The following KAT6A variants were observed in gnomAD, a reference collection of about 807,000 sequenced individuals.
The protein encoded by KAT6A is lysine acetyltransferase 6A.
In KAT6A, 9 loss-of-function variants were observed where a neutral mutation model predicts 198.4. The ratio of observed to expected loss-of-function variants is 0.05; its 90% CI spans 0.03 to 0.08. The LOEUF is 0.08. KAT6A is among the 10% of genes least tolerant of loss of function. The pLI, the probability that KAT6A is intolerant of heterozygous loss-of-function variation, is 1.00. For synonymous variants in KAT6A, 890 were observed against 883.0 expected (o/e 1.01, Z -0.14); for missense variants, 2,077 against 2,509.9 (o/e 0.83, Z 3.69).
intron 6 of KAT6A, among the ~76,000 whole-genome samples, chr8:41,977,897 A>G (rs899045560): frequency 1.3e-5 from 2 of 152,224 alleles, no homozygotes; most frequent in African/African-American, 2.4e-5. Flanking sequence ...CATTTCAGTT[A>G]TATCACCTTC....
intron 2 of KAT6A, among the ~76,000 whole-genome samples, chr8:42,039,253 A>C (rs1827523276): frequency 6.6e-6 from 1 of 152,226 alleles, no homozygotes; most frequent in Non-Finnish European, 1.5e-5. Flanking sequence ...ATCAGAGTGA[A>C]GCTCTTAATA....
At chr8:41,950,651 T>C (rs1822622229) in intron 9 of KAT6A, among the ~76,000 whole-genome samples, 1 of 151,896 alleles carries the variant, frequency 6.6e-6, no homozygotes, top group Non-Finnish European at 1.5e-5. Context: ...CTTTTTAAAG[T>C]ATTTTTGTAA....
chr8:41,998,391 TA>T (rs1037955137), intron 2 of KAT6A, among the ~76,000 whole-genome samples: 92 of 152,284 alleles, frequency 6.0e-4, no homozygotes, highest in Non-Finnish European at 1.0e-3. Context: ...CTGAATGTTC[TA>T]AAACGTATGG....
chr8:41,952,382 T>A (rs1008831711), intron 9 of KAT6A, among the ~76,000 whole-genome samples: 1 of 152,170 alleles, frequency 6.6e-6, no homozygotes, highest in South Asian at 2.1e-4. Flanking sequence ...GGGCATCCAA[T>A]GATCATAATT....
Position 41,932,716 on chromosome 8 carries a change from G to T in KAT6A, c.5504C>A (p.Thr1835Asn). 4.3e-6 allele frequency: 7 copies of T among 1,614,242 alleles called. No individual in the cohort carries two copies. The highest frequency in any genetic ancestry group is 5.9e-6 in the Non-Finnish European group (7 of 1,180,040). Residue 1835 changes from threonine to asparagine, a missense_variant, in exon 17 of 17, where the codon ACC (threonine) becomes AAC (asparagine). By Grantham distance (65) the Thr-to-Asn change is moderately conservative. Around this residue, in one of 13 missense-constraint regions of KAT6A, gnomAD observed 500 missense variants for 577.2 expected, o/e 0.87. Transcript: ENST00000265713. The stretch of plus-strand genomic sequence containing the variant: ...CTGCGTGTGAGGAATGCCAATGTTG[G>T]TGGCAGACATGTTGCACTGAAGCAG... ...SPLLQCNMSA[T>N]NIGIPHTQRL...
chr8:42,000,085 G>T (rs1248996829), intron 2 of KAT6A, among the ~76,000 whole-genome samples: 1 of 151,946 alleles, frequency 6.6e-6, no homozygotes, highest in Non-Finnish European at 1.5e-5. Flanking sequence ...ATTTCCTGTG[G>T]CCTAAGAAAT....
chr8:41,941,178 T>G lies in KAT6A; in HGVS notation c.2703A>C (p.Glu901Asp), dbSNP rs1296390271. The G allele has an allele frequency of 6.2e-7, 1 of 1,614,198 alleles. No individual in the cohort carries two copies. The highest frequency in any genetic ancestry group is 2.2e-5 in the East Asian group (1 of 44,884). ...TSSAPQEQYGECGEKSEATQE... is the reference protein window; with the variant it reads ...TSSAPQEQYGDCGEKSEATQE... ...GGGTGGCTTCTGATTTCTCCCCACA[T>G]TCTCCATATTGTTCCTGAGGAGCTG... Residue 901 changes from glutamate to aspartate, a missense_variant, in exon 15 of 17, where the codon GAA (glutamate) becomes GAC (aspartate). Transcript: ENST00000265713.
At chr8:41,990,249 T>A (rs1304177853) in intron 2 of KAT6A, among the ~76,000 whole-genome samples, 1 of 152,116 alleles carries the variant, frequency 6.6e-6, no homozygotes, top group East Asian at 1.9e-4. Flanking sequence ...TGATCTATAA[T>A]CCAGGCCATG....
intron 8 of KAT6A, among the ~76,000 whole-genome samples, chr8:41,961,267 A>C (rs1331735651): frequency 6.6e-6 from 1 of 152,092 alleles, no homozygotes; most frequent in Admixed American, 6.5e-5. Flanking sequence ...CCTGCCTTTC[A>C]CCAATACTAT....
chr8:41,983,820 A>C (rs563779842), intron 3 of KAT6A, among the ~76,000 whole-genome samples: 1 of 152,356 alleles, frequency 6.6e-6, no homozygotes, highest in African/African-American at 2.4e-5. Context: ...GATTATTATA[A>C]ACGCTATACA....
At chr8:42,018,924 T>TA (rs1554695567) in intron 2 of KAT6A, among the ~76,000 whole-genome samples, 158 of 150,572 alleles carry the variant, frequency 1.0e-3, no homozygotes, top group African/African-American at 2.9e-3. Flanking sequence ...TGCCTCAAAT[T>TA]AAAAAAAAAC....
intron 8 of KAT6A, chr8:41,958,252 G>A (rs1587741595): frequency 6.6e-6 from 1 of 152,182 alleles, no homozygotes; most frequent in Non-Finnish European, 1.5e-5. Context: ...AATCATGTTC[G>A]TGGAGCACCT....
Position 41,986,185 on chromosome 8 carries a change from C to T in KAT6A, c.709+1270G>A, listed in dbSNP as rs561763139. ...CGATCTCTTGACCTTGTGATCTGCCCGCCTCGGCCTCCCAAAATGCTGGGA... is the reference window on the plus strand; with the variant it reads ...CGATCTCTTGACCTTGTGATCTGCCTGCCTCGGCCTCCCAAAATGCTGGGA... On this transcript the variant is annotated intron_variant, in intron 3 of 16. Transcript: ENST00000265713. Among the ~76,000 whole-genome samples the T allele has an allele frequency of 9.0e-4, 137 of 152,266 alleles. 1 individual carries two copies. The highest frequency in any genetic ancestry group is 1.5e-3 in the Non-Finnish European group (100 of 68,016).
At chr8:41,954,464 GA>G (rs1483522573) in intron 9 of KAT6A, among the ~76,000 whole-genome samples, 1 of 152,170 alleles carries the variant, frequency 6.6e-6, no homozygotes, top group Non-Finnish European at 1.5e-5. Flanking sequence ...TACTAAATGG[GA>G]AACTGAGGCA....
intron 9 of KAT6A, among the ~76,000 whole-genome samples, chr8:41,950,942 G>A (rs912510748): frequency 6.6e-6 from 1 of 151,978 alleles, no homozygotes; most frequent in Non-Finnish European, 1.5e-5. Context: ...AAGGGAGAGG[G>A]GAGAGAGGAA....
At chr8:42,002,478 T>C (rs951068928) in intron 2 of KAT6A, among the ~76,000 whole-genome samples, 1 of 152,154 alleles carries the variant, frequency 6.6e-6, no homozygotes, top group Non-Finnish European at 1.5e-5. Flanking sequence ...CGAGTATCAC[T>C]TGAACCTGGG....
chr8:41,995,038 A>G (rs899240406), intron 2 of KAT6A, among the ~76,000 whole-genome samples: 1 of 151,784 alleles, frequency 6.6e-6, no homozygotes, highest in African/African-American at 2.4e-5. Flanking sequence ...CCTGGGCAAC[A>G]AGAGCGAGAC....
intron 2 of KAT6A, among the ~76,000 whole-genome samples, chr8:42,035,710 C>T (rs1341775726): frequency 2.0e-5 from 3 of 152,186 alleles, no homozygotes; most frequent in Non-Finnish European, 4.4e-5. Context: ...TCCACAAGAG[C>T]AGTTTCAAAT....
In KAT6A at chr8:41,931,587, A is replaced by C; in HGVS notation, c.*618T>G. The C allele has an allele frequency of 5.0e-6, 1 of 200,812 alleles. No homozygotes were observed. Among genetic ancestry groups the C allele is most frequent in the Non-Finnish European group, 1.0e-5 (1 of 97,462 alleles). 12.4% of individuals were successfully genotyped at this position (200,812 alleles called of 1,614,324 possible). A position where few individuals can be genotyped will look rare whatever the true frequency, so the allele number is the denominator to read the frequency against. On this transcript the variant is annotated 3_prime_UTR_variant, in exon 17 of 17. Transcript: ENST00000265713. ...AGAGGTGTGTGTGTGTGAGGAGTGG[A>C]GGGGATTTTAAAAGGAGAAGCATTT...
Sources: gnomAD v4.1 joint callset for allele counts (sites outside exome capture counted in the v4.1 genomes callset) on GRCh38, gnomAD v4.1.1 for gene constraint, gnomAD v4.1.1 regional missense constraint, MANE v1.5 for transcripts, NCBI Gene and HGNC (gene_info 2026-07-23, HGNC 2026-07-21) for gene names.